SCFD2: variants seen among roughly 807,000 people sequenced by gnomAD.
The protein encoded by SCFD2 is sec1 family domain containing 2.
Under a neutral mutation model 58.9 loss-of-function variants are expected in SCFD2, and 54 were observed. The ratio of observed to expected loss-of-function variants is 0.92; its 90% CI spans 0.74 to 1.15. SCFD2 has a LOEUF of 1.15. Ranked by LOEUF, SCFD2 falls within the 50% of genes most tolerant of loss-of-function variation. The probability of loss-of-function intolerance (pLI) is 0.00; values close to 1 mark genes in which losing one functional copy is unlikely to be tolerated. For missense variants in SCFD2, 805 were observed against 836.6 expected, an observed-to-expected ratio of 0.96 and a Z score of 0.47; for synonymous variants, 321 against 335.9, an observed-to-expected ratio of 0.96 and a Z score of 0.49.
intron 4 of SCFD2, among the ~76,000 whole-genome samples, chr4:53,264,935 A>G (rs1730936338): frequency 6.6e-6 from 1 of 152,250 alleles, no homozygotes; most frequent in Non-Finnish European, 1.5e-5. Context: ...GAGTGACTTT[A>G]TAACTCATTT....
chr4:52,958,944 T>A (rs1425541677), intron 5 of SCFD2, among the ~76,000 whole-genome samples: 2 of 152,224 alleles, frequency 1.3e-5, no homozygotes. Context: ...GAGTGCTTTA[T>A]GTGTATTATC....
intron 5 of SCFD2, among the ~76,000 whole-genome samples, chr4:53,131,833 T>C (rs1209744326): frequency 6.6e-6 from 1 of 152,244 alleles, no homozygotes; most frequent in African/African-American, 2.4e-5. Flanking sequence ...ATTCCATCTC[T>C]TCTCTTTCAT....
chr4:53,302,701 T>C (rs1732355970), intron 3 of SCFD2, among the ~76,000 whole-genome samples: 1 of 152,148 alleles, frequency 6.6e-6, no homozygotes, highest in Admixed American at 6.6e-5. Flanking sequence ...CTTCGAACTA[T>C]ACTACAAGGC....
At chr4:53,187,204 AAC>A (rs1037081392) in intron 4 of SCFD2, among the ~76,000 whole-genome samples, 148 of 152,222 alleles carry the variant, frequency 9.7e-4, no homozygotes, top group African/African-American at 3.4e-3. Flanking sequence ...AACATGAGAA[AAC>A]ACACCTTATT....
intron 5 of SCFD2, among the ~76,000 whole-genome samples, chr4:52,925,975 TC>T (rs1331394253): frequency 6.6e-6 from 1 of 151,900 alleles, no homozygotes; most frequent in Non-Finnish European, 1.5e-5. Flanking sequence ...CTTCCTCTAT[TC>T]CCCCCTCACT....
chr4:53,159,630 C>T (rs538364781), intron 4 of SCFD2, among the ~76,000 whole-genome samples: 11 of 152,270 alleles, frequency 7.2e-5, no homozygotes, highest in East Asian at 3.9e-4. Context: ...GTAAGGCACA[C>T]GACTAGCCCA....
chr4:52,897,702 A>G (rs191470111), intron 7 of SCFD2, among the ~76,000 whole-genome samples: 23 of 152,000 alleles, frequency 1.5e-4, no homozygotes, highest in Admixed American at 1.2e-3. Flanking sequence ...CTCTTTTTCT[A>G]TTGACTGGAA....
chr4:52,994,118 G>T (rs994887998), intron 5 of SCFD2, among the ~76,000 whole-genome samples: 1 of 152,208 alleles, frequency 6.6e-6, no homozygotes, highest in Non-Finnish European at 1.5e-5. Context: ...CCTCTGAATG[G>T]TTGGGGGAGA....
rs200719400 is a variant in SCFD2 at position 53,273,948 on chromosome 4, G to A, written c.1189C>T (p.Leu397Phe). 23 of 1,613,768 alleles carry A rather than the reference G, an allele frequency of 1.4e-5. No homozygotes were observed. Among genetic ancestry groups the A allele is most frequent in the African/African-American group, 2.7e-5 (2 of 74,916 alleles). ...MSYIQLFKNNLKALMNHCGLL... is the reference protein window; with the variant it reads ...MSYIQLFKNNFKALMNHCGLL... ...CCACAATGATTCATTAGAGCTTTGA[G>A]GTTGTTCTTGAAGAGCTGAATATAG... Residue 397 changes from leucine (L) to phenylalanine (F), a missense_variant, in exon 4 of 9, where the codon CTC (leucine) becomes TTC (phenylalanine). Transcript: ENST00000401642.
At chr4:53,084,471 G>T (rs967910815) in intron 5 of SCFD2, among the ~76,000 whole-genome samples, 1 of 152,118 alleles carries the variant, frequency 6.6e-6, no homozygotes, top group East Asian at 1.9e-4. Context: ...CAATCAGTTT[G>T]TACAGTTAAC....
chr4:53,031,638 T>C (rs1167395830), intron 5 of SCFD2, among the ~76,000 whole-genome samples: 2 of 152,114 alleles, frequency 1.3e-5, no homozygotes, highest in Non-Finnish European at 2.9e-5. Context: ...TCATGAACCA[T>C]ACACAAGTTT....
chr4:53,116,765 A>T (rs1019440488), intron 5 of SCFD2, among the ~76,000 whole-genome samples: 2 of 152,208 alleles, frequency 1.3e-5, no homozygotes, highest in African/African-American at 4.8e-5. Context: ...CAATGAAAAG[A>T]ACCCTGAGTC....
intron 4 of SCFD2, among the ~76,000 whole-genome samples, chr4:53,273,147 A>T (rs1453715163): frequency 6.6e-6 from 1 of 152,196 alleles, no homozygotes; most frequent in Non-Finnish European, 1.5e-5. Flanking sequence ...AAATAATGAT[A>T]AATCATATTG....
At chr4:53,024,970 C>CTCTA (rs2148815479) in intron 5 of SCFD2, among the ~76,000 whole-genome samples, 1 of 152,284 alleles carries the variant, frequency 6.6e-6, no homozygotes, top group South Asian at 2.1e-4. Context: ...CTGCATTTGT[C>CTCTA]CCACTGGTTA....
At chr4:52,975,127 A>G (rs1281933982) in intron 5 of SCFD2, among the ~76,000 whole-genome samples, 4 of 152,324 alleles carry the variant, frequency 2.6e-5, no homozygotes, top group Non-Finnish European at 4.4e-5. Context: ...CTTCATGTCT[A>G]AAACACCAAA....
rs536675458 is a variant in SCFD2, at chr4:52,987,420, C to T, written c.1562-66550G>A. ...TCTAAAATATAAATGAGTAAACTTT[C>T]ATTTTCAAATGGCCATTCCTTTCTT... On this transcript the variant is annotated intron_variant, in intron 5 of 8. Coordinates refer to ENST00000401642, the MANE Select transcript of SCFD2 (RefSeq NM_152540.4). 2.6e-5 allele frequency among the ~76,000 whole-genome samples: 4 copies of T among 152,302 alleles called. No individual in the cohort carries two copies. In the East Asian group the frequency reaches 5.8e-4, roughly 22 times the overall value.
intron 5 of SCFD2, among the ~76,000 whole-genome samples, chr4:52,941,747 C>G (rs978252855): frequency 1.1e-4 from 16 of 152,218 alleles, no homozygotes; most frequent in African/African-American, 3.9e-4. Flanking sequence ...GATGTGGGCA[C>G]AAGTTACCCA....
chr4:52,932,458 T>A (rs954733966), intron 5 of SCFD2, among the ~76,000 whole-genome samples: 2 of 152,042 alleles, frequency 1.3e-5, no homozygotes, highest in Non-Finnish European at 2.9e-5. Flanking sequence ...TTTAAAAATC[T>A]TTTTTTTCCA....
intron 2 of SCFD2, among the ~76,000 whole-genome samples, chr4:53,341,949 T>G (rs946391491): frequency 2.0e-5 from 3 of 152,152 alleles, no homozygotes; most frequent in Non-Finnish European, 4.4e-5. Flanking sequence ...CAAGAGCTCC[T>G]GAAAGAAGCA....
Sources: allele counts gnomAD v4.1 joint callset (sites outside exome capture counted in the v4.1 genomes callset), GRCh38; gene constraint gnomAD v4.1.1; transcripts MANE v1.5; gene names NCBI Gene and HGNC (gene_info 2026-07-23, HGNC 2026-07-21).